TNRC6A: variants seen among roughly 807,000 people sequenced by gnomAD.
TNRC6A encodes the protein trinucleotide repeat containing adaptor 6A.
In TNRC6A, 44 loss-of-function variants were observed where a neutral mutation model predicts 221.2. The observed-to-expected ratio is 0.20, with a 90% CI of 0.16 to 0.26. The LOEUF (loss-of-function observed/expected upper bound fraction) is 0.26, where lower values mean the gene tolerates loss of function less well. TNRC6A is among the 10% of genes least tolerant of loss of function. The pLI is 1.00. For missense variants in TNRC6A, 2,199 were observed against 2,404.4 expected, an observed-to-expected ratio of 0.91 and a Z score of 1.79; for synonymous variants, 847 against 838.5, an observed-to-expected ratio of 1.01 and a Z score of -0.18.
rs150421306 is a variant in TNRC6A, at chr16:24,785,810, G to A, written c.590-3422G>A. 1.5e-3 allele frequency among the ~76,000 whole-genome samples: 234 copies of A among 152,226 alleles called. 2 individuals carry two copies. The highest frequency in any genetic ancestry group is 5.4e-3 in the African/African-American group (225 of 41,526). Reference sequence around the variant, plus strand: ...GTGAAAGTGGCCACACACACTTAACGCACGCAAATAGTGGCAGCAGAAATA... The same window carrying A: ...GTGAAAGTGGCCACACACACTTAACACACGCAAATAGTGGCAGCAGAAATA... On this transcript the variant is annotated intron_variant, in intron 5 of 24. Transcript: ENST00000395799.
chr16:24,717,770 CTT>C (rs71383705), intron 2 of TNRC6A, among the ~76,000 whole-genome samples: 292 of 107,348 alleles, frequency 2.7e-3, no homozygotes, highest in African/African-American at 9.2e-3. Flanking sequence ...TTTTTTTTTT[CTT>C]TTTTTTTTTT....
intron 4 of TNRC6A, among the ~76,000 whole-genome samples, chr16:24,766,836 C>A (rs145782835): frequency 2.2e-3 from 330 of 152,082 alleles, no homozygotes; most frequent in African/African-American, 7.6e-3. Context: ...GCCACCACAC[C>A]CAGCTAATTT....
intron 2 of TNRC6A, among the ~76,000 whole-genome samples, chr16:24,676,440 G>C (rs1006595775): frequency 1.3e-5 from 2 of 151,812 alleles, no homozygotes; most frequent in Non-Finnish European, 2.9e-5. Context: ...GGGATTACAG[G>C]CATGCACCGC....
chr16:24,674,789 T>G (rs2055375547), intron 2 of TNRC6A, among the ~76,000 whole-genome samples: 1 of 150,918 alleles, frequency 6.6e-6, no homozygotes, highest in Non-Finnish European at 1.5e-5. Context: ...CTTAAAGGGA[T>G]CACAAGAGAG....
chr16:24,712,458 G>C (rs2056223002), intron 2 of TNRC6A, among the ~76,000 whole-genome samples: 1 of 152,098 alleles, frequency 6.6e-6, no homozygotes, highest in African/African-American at 2.4e-5. Flanking sequence ...TTTTTGTGCT[G>C]TTATTGTCTT....
At chr16:24,628,683 C>T (rs1450120741) in intron 1 of TNRC6A, among the ~76,000 whole-genome samples, 3 of 152,110 alleles carry the variant, frequency 2.0e-5, no homozygotes, top group Non-Finnish European at 4.4e-5. Context: ...ATATAATATA[C>T]AAAATACGTG....
chr16:24,651,593 T>A (rs938563901), intron 2 of TNRC6A, among the ~76,000 whole-genome samples: 1 of 142,640 alleles, frequency 7.0e-6, no homozygotes, highest in Non-Finnish European at 1.5e-5. Flanking sequence ...GCACGGTGAC[T>A]CACCCCTGTA....
At chr16:24,762,278 T>G (rs1280190644) in intron 4 of TNRC6A, among the ~76,000 whole-genome samples, 1 of 152,236 alleles carries the variant, frequency 6.6e-6, no homozygotes, top group African/African-American at 2.4e-5. Context: ...ATATTTGTTT[T>G]TCTGTCAAAC....
intron 1 of TNRC6A, among the ~76,000 whole-genome samples, chr16:24,613,266 C>T (rs1024881928): frequency 2.0e-5 from 3 of 151,290 alleles, no homozygotes; most frequent in African/African-American, 7.3e-5. Flanking sequence ...AAGGGTCAAC[C>T]AGGTGGCGTG....
Position 24,823,477 on chromosome 16 carries a change from AGAG to A in TNRC6A, c.5563_5565del (p.Glu1855del). ...CTATTCTTGCTGAGTTTGCCAGTGA[AGAG>A]GAGATCAGTCGTTTCTTTGCACAAA... On this transcript the variant is annotated inframe_deletion, in exon 25 of 25. Transcript: ENST00000395799. This position sits in a 1 kb window ranked among gnomAD's most constrained non-coding sequence, Gnocchi z 4.3. 6.2e-7 allele frequency: 1 copy of A among 1,614,022 alleles called. No homozygotes were observed. The highest frequency in any genetic ancestry group is 1.1e-5 in the South Asian group (1 of 91,044).
intron 2 of TNRC6A, among the ~76,000 whole-genome samples, chr16:24,742,199 A>T (rs1021600807): frequency 1.3e-5 from 2 of 152,196 alleles, no homozygotes; most frequent in Non-Finnish European, 2.9e-5. Context: ...TTAAATCTTC[A>T]CAACCACCCA....
At chr16:24,708,317 T>A (rs1405614546) in intron 2 of TNRC6A, among the ~76,000 whole-genome samples, 2 of 150,396 alleles carry the variant, frequency 1.3e-5, no homozygotes, top group Non-Finnish European at 3.0e-5. Flanking sequence ...GTCAGCTCAC[T>A]GCAAGCTCCA....
intron 3 of TNRC6A, among the ~76,000 whole-genome samples, chr16:24,755,385 T>A (rs371087288): frequency 5.9e-5 from 9 of 152,346 alleles, no homozygotes; most frequent in African/African-American, 1.9e-4. Context: ...AGCCAAAGCA[T>A]GGGCAGATAG....
intron 5 of TNRC6A, among the ~76,000 whole-genome samples, chr16:24,786,489 A>C (rs556919801): frequency 6.6e-6 from 1 of 151,218 alleles, no homozygotes; most frequent in African/African-American, 2.4e-5. Flanking sequence ...CGCCCAGCTA[A>C]TTTTTTTGTA....
chr16:24,771,883 G>A (rs955053619), intron 4 of TNRC6A, among the ~76,000 whole-genome samples: 6 of 152,200 alleles, frequency 3.9e-5, no homozygotes, highest in South Asian at 2.1e-4. Flanking sequence ...GAAAACTACA[G>A]TCTGCAAGTG....
At chr16:24,703,403 G>A (rs2056028456) in intron 2 of TNRC6A, among the ~76,000 whole-genome samples, 1 of 152,130 alleles carries the variant, frequency 6.6e-6, no homozygotes, top group Admixed American at 6.6e-5. Flanking sequence ...CCAAATATTA[G>A]TCCATTGAAT....
intron 2 of TNRC6A, among the ~76,000 whole-genome samples, chr16:24,660,545 A>G (rs949720842): frequency 2.0e-5 from 3 of 152,006 alleles, no homozygotes; most frequent in Non-Finnish European, 4.4e-5. Context: ...TTGTGCTGCT[A>G]TAAACATGCG....
At chr16:24,632,391 C>T (rs1328939972) in intron 1 of TNRC6A, among the ~76,000 whole-genome samples, 1 of 152,122 alleles carries the variant, frequency 6.6e-6, no homozygotes, top group Non-Finnish European at 1.5e-5. Context: ...TTCTTTAATC[C>T]CAAACTCTAG....
intron 2 of TNRC6A, among the ~76,000 whole-genome samples, chr16:24,746,459 T>C (rs947595906): frequency 6.6e-6 from 1 of 152,194 alleles, no homozygotes; most frequent in Non-Finnish European, 1.5e-5. Flanking sequence ...TATTGGGAGC[T>C]GGTTCTGTAC....
Sources: gnomAD v4.1 joint callset for allele counts (sites outside exome capture counted in the v4.1 genomes callset) on GRCh38, gnomAD v4.1.1 for gene constraint, Gnocchi (gnomAD v3.1) non-coding constraint, MANE v1.5 for transcripts, NCBI Gene and HGNC (gene_info 2026-07-23, HGNC 2026-07-21) for gene names.